RASA1: variants seen among roughly 807,000 people sequenced by gnomAD.
RASA1 encodes the protein ras GTPase-activating protein 1.
In RASA1, 25 loss-of-function variants were observed where a neutral mutation model predicts 132.2. That is an observed-to-expected ratio of 0.19 (90% CI 0.14 to 0.26). The LOEUF is 0.26. Ranked by LOEUF, RASA1 falls within the 10% of genes least tolerant of loss-of-function variation. The pLI is 1.00. For missense variants in RASA1, 964 were observed against 1,299.2 expected (o/e 0.74, Z 3.97); for synonymous variants, 477 against 449.9 (o/e 1.06, Z -0.76).
intron 1 of RASA1, among the ~76,000 whole-genome samples, chr5:87,278,030 A>G (rs1413163889): frequency 6.6e-6 from 1 of 152,130 alleles, no homozygotes; most frequent in East Asian, 1.9e-4. Context: ...AAATTTCGCT[A>G]ATACATCTGT....
At chr5:87,374,729 G>GTT (rs200643915) in intron 14 of RASA1, 111 bp from the exon 15 acceptor site, 197 of 1,149,356 alleles carry the variant, frequency 1.7e-4, no homozygotes, top group East Asian at 4.0e-4. Context: ...CTAGCACACT[G>GTT]TTTTTTTTTT....
At chr5:87,303,688 A>G (rs1488638077) in intron 1 of RASA1, among the ~76,000 whole-genome samples, 1 of 151,970 alleles carries the variant, frequency 6.6e-6, no homozygotes, top group Non-Finnish European at 1.5e-5. Flanking sequence ...GATTCAGCAT[A>G]TGGTTTCAGA....
intron 1 of RASA1, among the ~76,000 whole-genome samples, chr5:87,297,526 G>T (rs1014637167): frequency 1.3e-5 from 2 of 152,162 alleles, no homozygotes; most frequent in African/African-American, 4.8e-5. Context: ...GGACAGAATG[G>T]TTAGAAAGGA....
chr5:87,338,570 C>A (rs1758199985), intron 5 of RASA1, among the ~76,000 whole-genome samples: 1 of 128,992 alleles, frequency 7.8e-6, no homozygotes, highest in Non-Finnish European at 1.6e-5. Context: ...TGGGGTTTTA[C>A]CATGTTGGCC....
intron 5 of RASA1, among the ~76,000 whole-genome samples, chr5:87,339,521 T>G (rs1580302884): frequency 6.6e-6 from 1 of 152,282 alleles, no homozygotes; most frequent in East Asian, 1.9e-4. Flanking sequence ...CCTGATTACT[T>G]CAAGAAATTG....
intron 20 of RASA1, 35 bp from the exon 21 acceptor site, chr5:87,383,678 T>TAA (rs368117332): frequency 1.9e-3 from 2,548 of 1,310,468 alleles, no homozygotes; most frequent in Non-Finnish European, 2.2e-3. Flanking sequence ...AGGTGTTTTC[T>TAA]AAAAAAAAAA....
intron 23 of RASA1, among the ~76,000 whole-genome samples, chr5:87,387,203 G>A (rs1762119564): frequency 6.6e-6 from 1 of 152,004 alleles, no homozygotes; most frequent in South Asian, 2.1e-4. Context: ...ACATCTGACT[G>A]CCATGACATT....
rs3734000 is a variant in RASA1, at chr5:87,269,178, T to A, written c.539+188T>A. The A allele has an allele frequency of 0.4, 647,183 of 1,606,318 alleles. 132,396 individuals are homozygous for A. The highest frequency in any genetic ancestry group is 0.48 in the Middle Eastern group (2,900 of 6,056). On this transcript the variant is annotated intron_variant, in intron 1 of 24. Transcript: ENST00000274376. ...CCTTACAGGCATACTACCTGGCGTC[T>A]TCCTACATTTATTGCTCCTCTGGGA... is the stretch of plus-strand genomic sequence containing the variant.
chr5:87,315,742 A>G (rs1438489273), intron 1 of RASA1, among the ~76,000 whole-genome samples: 1 of 152,202 alleles, frequency 6.6e-6, no homozygotes, highest in East Asian at 1.9e-4. Flanking sequence ...CTTGCGAATA[A>G]TAGTCTGCTT....
intron 2 of RASA1, 54 bp downstream of exon 2, chr5:87,331,554 A>G: frequency 6.4e-7 from 1 of 1,559,730 alleles, no homozygotes; most frequent in Middle Eastern, 1.9e-4. Context: ...TTGATATAAT[A>G]TTCATAAATA....
At chr5:87,367,984 A>AT (rs1189799602) in intron 11 of RASA1, among the ~76,000 whole-genome samples, 3 of 152,078 alleles carry the variant, frequency 2.0e-5, no homozygotes, top group Non-Finnish European at 2.9e-5. Flanking sequence ...TAAAAAAAAA[A>AT]TTATCCTTAG....
intron 1 of RASA1, among the ~76,000 whole-genome samples, chr5:87,321,817 A>G (rs919495266): frequency 6.6e-6 from 1 of 152,106 alleles, no homozygotes; most frequent in East Asian, 1.9e-4. Context: ...ACTTTCCCCA[A>G]TGGGAAGACC....
intron 1 of RASA1, among the ~76,000 whole-genome samples, chr5:87,328,623 A>G (rs1053553097): frequency 2.0e-5 from 3 of 152,170 alleles, no homozygotes; most frequent in African/African-American, 7.2e-5. Flanking sequence ...AAAGAATTAC[A>G]GACTTCAGAA....
intron 1 of RASA1, chr5:87,269,231 A>G: frequency 6.4e-7 from 1 of 1,553,326 alleles, no homozygotes; most frequent in Non-Finnish European, 8.7e-7. Flanking sequence ...GATGGAAAGC[A>G]TGAGAAAATG....
At chr5:87,326,956 A>T (rs1450824191) in intron 1 of RASA1, among the ~76,000 whole-genome samples, 3 of 152,196 alleles carry the variant, frequency 2.0e-5, no homozygotes, top group Non-Finnish European at 4.4e-5. Context: ...GACTAAGATG[A>T]TTCACAGATT....
intron 1 of RASA1, among the ~76,000 whole-genome samples, chr5:87,287,243 TACCGTATATATACACACCATATAC>T (rs1561256549): frequency 6.9e-6 from 1 of 144,212 alleles, no homozygotes; most frequent in Non-Finnish European, 1.5e-5. Context: ...ACCATATATA[TACCGTATATATACACACCATATAC>T]ACCGTATATA....
chr5:87,322,246 C>T (rs566880795), intron 1 of RASA1, among the ~76,000 whole-genome samples: 1 of 152,218 alleles, frequency 6.6e-6, no homozygotes, highest in African/African-American at 2.4e-5. Flanking sequence ...AGGTGTGAGC[C>T]ACAGGCAAGC....
chr5:87,342,464 T>A (rs577944942), intron 6 of RASA1, among the ~76,000 whole-genome samples: 1 of 152,038 alleles, frequency 6.6e-6, no homozygotes, highest in Non-Finnish European at 1.5e-5. Context: ...CAGCTAGGAG[T>A]TGCAAATTCT....
intron 9 of RASA1, among the ~76,000 whole-genome samples, chr5:87,358,467 T>G (rs1009453126): frequency 5.9e-5 from 9 of 152,178 alleles, no homozygotes; most frequent in Non-Finnish European, 1.2e-4. Flanking sequence ...CTTCCTGTAC[T>G]TTATATCTAA....
Sources: gnomAD v4.1 joint callset for allele counts (sites outside exome capture counted in the v4.1 genomes callset) on GRCh38, gnomAD v4.1.1 for gene constraint, MANE v1.5 for transcripts, NCBI Gene and HGNC (gene_info 2026-07-23, HGNC 2026-07-21) for gene names.